TSC1: variants seen among roughly 807,000 people sequenced by gnomAD.
TSC1 encodes the protein TSC complex subunit 1, also known as hamartin.
TSC1 carries 20 observed loss-of-function variants against 124.3 expected under a neutral mutation model. The observed-to-expected ratio is 0.16, with a 90% CI of 0.11 to 0.23. TSC1 has a LOEUF of 0.23. Ranked by LOEUF, TSC1 falls within the 10% of genes least tolerant of loss-of-function variation. The probability of loss-of-function intolerance (pLI) is 1.00; values close to 1 mark genes in which losing one functional copy is unlikely to be tolerated. For synonymous variants in TSC1, 493 were observed against 539.1 expected, an observed-to-expected ratio of 0.91 and a Z score of 1.19; for missense variants, 1,124 against 1,448.5, an observed-to-expected ratio of 0.78 and a Z score of 3.64.
At position 132,902,665 on chromosome 9, in the gene TSC1, G is replaced by A. The variant is rs1554814967; in HGVS notation, c.2331C>T (p.Ser777=). 6.2e-7 allele frequency: 1 copy of A among 1,614,178 alleles called. No individual in the cohort carries two copies. The highest frequency in any genetic ancestry group is 2.2e-5 in the East Asian group (1 of 44,892). Residue 777 remains serine (S), a synonymous_variant, in exon 18 of 23, where the codon AGC becomes AGT. Coordinates refer to ENST00000298552, the MANE Select transcript of TSC1 (RefSeq NM_000368.5). The surrounding 1 kb of genome is among the most constrained non-coding windows in gnomAD (Gnocchi z 5.2). ...QRDTMVTKLH[S]QIRQLQHDRE... is the part of the protein sequence containing the mutation. ...GGTCATGCTGCAGCTGTCTGATCTG[G>A]CTGTGGAGCTTGGTTACCATAGTGT...
Position 132,895,957 on chromosome 9 carries a change from G to T in TSC1, c.*278C>A. ...ACCATTTGGGGGGGAAAGGAAGAAA[G>T]TAAAGCTACTGAGGAACACCAACTG... On this transcript the variant is annotated 3_prime_UTR_variant, in exon 23 of 23. Coordinates refer to ENST00000298552, the MANE Select transcript of TSC1 (RefSeq NM_000368.5). The T allele has an allele frequency of 1.9e-6, 1 of 513,908 alleles. No individual in the cohort carries two copies. The allele number at this position is 513,908 out of a possible 1,614,324, so 31.8% of individuals were successfully genotyped here.
chr9:132,919,132 A>G (rs1412594220), intron 8 of TSC1, among the ~76,000 whole-genome samples: 2 of 152,224 alleles, frequency 1.3e-5, no homozygotes, highest in Non-Finnish European at 2.9e-5. Flanking sequence ...GACTGCAGTA[A>G]CTGTAACAAC....
chr9:132,928,677 A>C, intron 3 of TSC1, 90 bp downstream of exon 3: 1 of 1,552,380 alleles, frequency 6.4e-7, no homozygotes, highest in African/African-American at 1.4e-5. Flanking sequence ...CAGAAGATGA[A>C]AACTAAAATG....
chr9:132,941,584 C>A (rs1356146994), intron 1 of TSC1: 1 of 152,180 alleles, frequency 6.6e-6, no homozygotes, highest in Non-Finnish European at 1.5e-5. Flanking sequence ...CTATTAAGTA[C>A]ACTTTTCTTT....
Position 132,902,851 on chromosome 9 carries a change from T to G in TSC1, c.2209-64A>C. On this transcript the variant is annotated intron_variant, in intron 17 of 22. Transcript: ENST00000298552. The surrounding 1 kb of genome is among the most constrained non-coding windows in gnomAD (Gnocchi z 5.2). ...CCAACACAGGCAATTTAACACACAC[T>G]GCGAACATTTCATCTGAATAGTCAT... The G allele has an allele frequency of 6.3e-7, 1 of 1,581,294 alleles. No individual in the cohort carries two copies. The highest frequency in any genetic ancestry group is 8.7e-7 in the Non-Finnish European group (1 of 1,153,834).
At chr9:132,904,171 C>A (rs997806654) in intron 16 of TSC1, among the ~76,000 whole-genome samples, 1 of 152,158 alleles carries the variant, frequency 6.6e-6, no homozygotes, top group African/African-American at 2.4e-5. Flanking sequence ...TCCAGGGAAG[C>A]CTGGCAGGAA....
intron 8 of TSC1, chr9:132,912,792 G>A: frequency 3.0e-6 from 1 of 328,266 alleles, no homozygotes; most frequent in Non-Finnish European, 5.8e-6. Context: ...TTGGAACAAA[G>A]GTCATCAAAA....
chr9:132,913,891 G>GTTTTTTTTTTTTTTT (rs775823272), intron 8 of TSC1, among the ~76,000 whole-genome samples: 1 of 58,372 alleles, frequency 1.7e-5, no homozygotes, highest in East Asian at 5.8e-4. Flanking sequence ...GTTTTGTTTT[G>GTTTTTTTTTTTTTTT]TTTTTTTTTT....
intron 8 of TSC1, among the ~76,000 whole-genome samples, chr9:132,913,845 A>T (rs892293745): frequency 8.7e-5 from 13 of 149,250 alleles, no homozygotes; most frequent in Middle Eastern, 3.2e-3. Context: ...AAAAAAAAAA[A>T]AGTGAGCCAA....
rs1845506304 is a variant in TSC1, at chr9:132,903,773, G to C, written c.2086C>G (p.Leu696Val). The change falls in exon 17 of 23, where the codon CTT becomes GTT. Residue 696 changes from leucine (L) to valine (V), a missense_variant. Leu to Val is a conservative substitution (Grantham distance 32, BLOSUM62 1). Transcript: ENST00000298552. This position sits in a 1 kb window ranked among gnomAD's most constrained non-coding sequence, Gnocchi z 5.9. ...TAGAGTAACTGGTTGTGCAGTAAAA[G>C]CAACTGGTCTCGGAGGGTGCGGATC... Reference protein sequence around the residue: ...DEIRTLRDQLLLLHNQLLYER... With the variant: ...DEIRTLRDQLVLLHNQLLYER... 6.2e-7 allele frequency: 1 copy of C among 1,613,978 alleles called. No individual in the cohort carries two copies. The highest frequency in any genetic ancestry group is 8.5e-7 in the Non-Finnish European group (1 of 1,180,044).
chr9:132,937,833 A>G (rs546896920), intron 1 of TSC1, among the ~76,000 whole-genome samples: 1 of 151,740 alleles, frequency 6.6e-6, no homozygotes, highest in African/African-American at 2.4e-5. Flanking sequence ...TCCCACCTCA[A>G]CCTCCCAAGT....
At chr9:132,918,924 G>C (rs1846399950) in intron 8 of TSC1, among the ~76,000 whole-genome samples, 1 of 152,220 alleles carries the variant, frequency 6.6e-6, no homozygotes, top group South Asian at 2.1e-4. Flanking sequence ...AGGAAGCTTA[G>C]AAGAAACAGA....
chr9:132,920,064 C>A lies in TSC1; in HGVS notation c.737+1299G>T, dbSNP rs140025056. On this transcript the variant is annotated intron_variant, in intron 8 of 22. Coordinates refer to ENST00000298552, the MANE Select transcript of TSC1 (RefSeq NM_000368.5). ...TATTTCACGCATGTCCAGTGCCTTG[C>A]CCTTGCTAGAAGCCTTGCCAGACGC... is the stretch of plus-strand genomic sequence containing the variant. 1.8e-3 allele frequency among the ~76,000 whole-genome samples: 273 copies of A among 152,352 alleles called. 3 individuals carry two copies. The highest frequency in any genetic ancestry group is 6.4e-3 in the African/African-American group (266 of 41,584).
chr9:132,928,702 TA>T, intron 3 of TSC1, 64 bp downstream of exon 3: 1 of 1,600,230 alleles, frequency 6.2e-7, no homozygotes. Flanking sequence ...AGCAGGATTC[TA>T]GTGGCTCTAA....
In TSC1 at chr9:132,896,425, C is replaced by G. The variant is rs1263464680; in HGVS notation, c.3305G>C (p.Ser1102Thr). 32 of 1,614,110 alleles carry G rather than the reference C, an allele frequency of 2.0e-5. No individual in the cohort carries two copies. The highest frequency in any genetic ancestry group is 2.7e-5 in the African/African-American group (2 of 74,936). ...GGTCATGCCGTCCTCATCACACTGG[C>G]TCTCGCTCTTATTACGAAATAACTC... is the stretch of plus-strand genomic sequence containing the variant. The part of the protein sequence containing the change: ...ARELFRNKSE[S>T]QCDEDGMTSS... The change falls in exon 23 of 23, where the codon AGC (serine) becomes ACC (threonine). Residue 1102 changes from serine to threonine, a missense_variant. Physicochemically the swap from Ser to Thr is moderately conservative, Grantham distance 58. Coordinates refer to ENST00000298552, the MANE Select transcript of TSC1 (RefSeq NM_000368.5). This position sits in a 1 kb window ranked among gnomAD's most constrained non-coding sequence, Gnocchi z 4.5.
At chr9:132,926,696 T>C (rs79836508) in intron 4 of TSC1, 1 of 168,490 alleles carries the variant, frequency 5.9e-6, no homozygotes, top group African/African-American at 2.4e-5. Context: ...TTTTTTTTTT[T>C]TGAGACAGTT....
Position 132,901,668 on chromosome 9 carries a change from G to C in TSC1, c.2423C>G (p.Ala808Gly), listed in dbSNP as rs756514375. The part of the protein sequence containing the change: ...TKLEDCRNMI[A>G]ELRIELKKAN... ...CTTCTTCAGTTCTATCCGCAGCTCC[G>C]CAATCATGTTCCTGCAGTCCTCCAG... is the stretch of plus-strand genomic sequence containing the variant. The change falls in exon 19 of 23, where the codon GCG (alanine) becomes GGG (glycine). Residue 808 changes from alanine to glycine, a missense_variant. By Grantham distance (60) the Ala-to-Gly change is moderately conservative. This residue lies in a region of TSC1 where 321 missense variants were observed against 397.4 expected (regional missense o/e 0.81). Transcript: ENST00000298552. 6.2e-7 allele frequency: 1 copy of C among 1,614,012 alleles called. No homozygotes were observed. The highest frequency in any genetic ancestry group is 1.1e-5 in the South Asian group (1 of 91,074).
chr9:132,896,076 AC>A lies in TSC1; in HGVS notation c.*158del. 9.2e-7 allele frequency: 1 copy of A among 1,090,798 alleles called. No homozygotes were observed. Among genetic ancestry groups the A allele is most frequent in the Non-Finnish European group, 1.4e-6 (1 of 731,664 alleles). 67.6% of individuals were successfully genotyped at this position (1,090,798 alleles called of 1,614,324 possible). A position where few individuals can be genotyped will look rare whatever the true frequency, so the allele number is the denominator to read the frequency against. ...AGGCATTTCAATGCCAGATCCAAAA[AC>A]CGTTCTGCATTCAGTCAGCTGTCCA... is the stretch of plus-strand genomic sequence containing the variant. On this transcript the variant is annotated 3_prime_UTR_variant, in exon 23 of 23. Coordinates refer to ENST00000298552, the MANE Select transcript of TSC1 (RefSeq NM_000368.5). The surrounding 1 kb of genome is among the most constrained non-coding windows in gnomAD (Gnocchi z 4.5).
At chr9:132,910,976 T>A (rs1485617422) in intron 11 of TSC1, 26 bp downstream of exon 11, 10 of 1,605,806 alleles carry the variant, frequency 6.2e-6, no homozygotes, top group Non-Finnish European at 8.5e-6. Context: ...AACCAACTAA[T>A]CAAATCCAAC....
Sources: allele counts gnomAD v4.1 joint callset (sites outside exome capture counted in the v4.1 genomes callset), GRCh38; gene constraint gnomAD v4.1.1; regional missense constraint gnomAD v4.1.1; non-coding constraint Gnocchi (gnomAD v3.1); transcripts MANE v1.5; gene names NCBI Gene and HGNC (gene_info 2026-07-23, HGNC 2026-07-21).